The following PRKG1 variants were observed in gnomAD, a reference collection of about 807,000 sequenced individuals.
PRKG1 encodes cGMP-dependent protein kinase 1.
In PRKG1, 35 loss-of-function variants were observed where a neutral mutation model predicts 88.1. The ratio of observed to expected loss-of-function variants is 0.40; its 90% CI spans 0.30 to 0.53. PRKG1 has a LOEUF of 0.53. PRKG1 is among the 20% of genes least tolerant of loss of function. The pLI is 0.59. For missense variants in PRKG1, 540 were observed against 839.8 expected, an observed-to-expected ratio of 0.64 and a Z score of 4.41; for synonymous variants, 303 against 292.5, an observed-to-expected ratio of 1.04 and a Z score of -0.37.
intron 5 of PRKG1, among the ~76,000 whole-genome samples, chr10:52,042,634 AAGG>A (rs1845777794): frequency 6.6e-6 from 1 of 152,136 alleles, no homozygotes; most frequent in South Asian, 2.1e-4. Context: ...AAGAACATAT[AAGG>A]GAAATGCTTC....
chr10:52,132,489 A>G (rs1837291924), intron 7 of PRKG1, among the ~76,000 whole-genome samples: 1 of 152,140 alleles, frequency 6.6e-6, no homozygotes, highest in Non-Finnish European at 1.5e-5. Context: ...AGCAACAGTG[A>G]AAGACACAGA....
At chr10:51,462,750 C>A (rs1255499306) in intron 2 of PRKG1, among the ~76,000 whole-genome samples, 1 of 152,130 alleles carries the variant, frequency 6.6e-6, no homozygotes, top group Non-Finnish European at 1.5e-5. Flanking sequence ...ATAAATAACC[C>A]TTTAAACGTC....
At chr10:51,190,903 C>G (rs891702745) in intron 2 of PRKG1, among the ~76,000 whole-genome samples, 1 of 151,838 alleles carries the variant, frequency 6.6e-6, no homozygotes, top group Non-Finnish European at 1.5e-5. Flanking sequence ...AATGTCTCTA[C>G]TATGGAGCCA....
In PRKG1 at chr10:52,150,413, A is replaced by G. The variant is rs554063516; in HGVS notation, c.1002-11476A>G. On this transcript the variant is annotated intron_variant, in intron 8 of 17. Transcript: ENST00000373980. ...CTCGAGCAAATTACTTAATTTTCTT[A>G]GCCTTGATCACCTTACCTGTAAAAC... Among the ~76,000 whole-genome samples the G allele has an allele frequency of 3.1e-3, 467 of 152,152 alleles. 1 individual carries two copies. The highest frequency in any genetic ancestry group is 0.011 in the African/African-American group (455 of 41,526).
chr10:51,604,944 G>A (rs1838720073), intron 3 of PRKG1, among the ~76,000 whole-genome samples: 1 of 152,322 alleles, frequency 6.6e-6, no homozygotes, highest in South Asian at 2.1e-4. Context: ...CTTGCCCAAT[G>A]TACTGGAAGA....
intron 3 of PRKG1, among the ~76,000 whole-genome samples, chr10:51,748,323 G>A (rs1837632576): frequency 1.3e-5 from 2 of 152,124 alleles, no homozygotes; most frequent in Non-Finnish European, 2.9e-5. Flanking sequence ...TTATAGTTTG[G>A]CCTGTTGTGT....
At chr10:51,230,754 G>A (rs560686602) in intron 2 of PRKG1, among the ~76,000 whole-genome samples, 10 of 151,300 alleles carry the variant, frequency 6.6e-5, no homozygotes, top group African/African-American at 2.4e-4. Context: ...GTAAATAGTT[G>A]TTATACTGTA....
At chr10:52,157,801 C>T (rs1424204949) in intron 8 of PRKG1, among the ~76,000 whole-genome samples, 4 of 151,400 alleles carry the variant, frequency 2.6e-5, no homozygotes, top group African/African-American at 7.3e-5. Flanking sequence ...GTTCTTCCTT[C>T]TTCCTTCCTC....
At position 52,270,548 on chromosome 10, in the gene PRKG1, T is replaced by G. The variant is rs955203258; in HGVS notation, c.1174-802T>G. The stretch of plus-strand genomic sequence containing the variant: ...TGGAATACTATGCAGCCATAAAAAA[T>G]GATGAGTTCATGTCCTTTGCAGGGA... On this transcript the variant is annotated intron_variant, in intron 10 of 17. Transcript: ENST00000373980. Among the ~76,000 whole-genome samples the G allele has an allele frequency of 5.3e-5, 8 of 151,946 alleles. 1 individual carries two copies. The East Asian group carries it at 1.6e-3, about 30-fold the overall frequency.
intron 1 of PRKG1, among the ~76,000 whole-genome samples, chr10:51,077,824 C>T (rs1317925241): frequency 6.6e-6 from 1 of 152,074 alleles, no homozygotes; most frequent in Non-Finnish European, 1.5e-5. Context: ...CCAAATAACT[C>T]CTTGAGAATG....
intron 2 of PRKG1, among the ~76,000 whole-genome samples, chr10:51,457,276 G>A (rs951899333): frequency 3.3e-5 from 5 of 152,180 alleles, no homozygotes; most frequent in African/African-American, 1.2e-4. Flanking sequence ...GGCATTAGCA[G>A]CAACCTGGAT....
At chr10:51,463,179 A>G (rs1839790357) in intron 2 of PRKG1, among the ~76,000 whole-genome samples, 1 of 152,196 alleles carries the variant, frequency 6.6e-6, no homozygotes, top group Non-Finnish European at 1.5e-5. Context: ...TCATGAATAA[A>G]TGCTAATGAA....
chr10:52,024,317 C>CTTTTTTGT (rs1845271744), intron 5 of PRKG1, among the ~76,000 whole-genome samples: 2 of 150,874 alleles, frequency 1.3e-5, no homozygotes, highest in Admixed American at 6.6e-5. Flanking sequence ...ATTTATTTAA[C>CTTTTTTGT]TTTTTTTTTT....
At position 52,251,622 on chromosome 10, in the gene PRKG1, A is replaced by G; in HGVS notation, c.1129A>G (p.Ile377Val). 6.2e-7 allele frequency: 1 copy of G among 1,613,594 alleles called. No individual in the cohort carries two copies. Among genetic ancestry groups the G allele is most frequent in the Non-Finnish European group, 8.5e-7 (1 of 1,179,644 alleles). Residue 377 changes from isoleucine (I) to valine (V), a missense_variant, in exon 10 of 18, where the codon ATC (isoleucine) becomes GTC (valine). Coordinates refer to ENST00000373980, the MANE Select transcript of PRKG1 (RefSeq NM_006258.4). ...FANLKLSDFN[I>V]IDTLGVGGFG... is the part of the protein sequence containing the mutation. ...CAACCTGAAGCTGTCTGATTTCAAC[A>G]TCATTGATACCCTTGGAGTTGGAGG...
chr10:51,485,914 A>G (rs911812307), intron 3 of PRKG1, among the ~76,000 whole-genome samples: 16 of 152,228 alleles, frequency 1.1e-4, no homozygotes, highest in African/African-American at 3.9e-4. Context: ...GCATGGCAAG[A>G]TAGACTCTCC....
At chr10:51,712,676 G>A (rs1841787246) in intron 3 of PRKG1, among the ~76,000 whole-genome samples, 1 of 131,180 alleles carries the variant, frequency 7.6e-6, no homozygotes, top group South Asian at 2.3e-4. Flanking sequence ...TGCAATCTCT[G>A]CCTCCCAGGT....
At position 51,970,050 on chromosome 10, in the gene PRKG1, A is replaced by ACACACC. The variant is rs983494491; in HGVS notation, c.762+62481_762+62482insACACCC. Among the ~76,000 whole-genome samples, 836 of 133,496 alleles carry ACACACC rather than the reference A, an allele frequency of 6.3e-3. 8 individuals are homozygous for ACACACC. The highest frequency in any genetic ancestry group is 0.02 in the Middle Eastern group (5 of 256). 87.6% of individuals were successfully genotyped at this position (133,496 alleles called of 152,430 possible). A position where few individuals can be genotyped will look rare whatever the true frequency, so the allele number is the denominator to read the frequency against. On this transcript the variant is annotated intron_variant, in intron 5 of 17. Coordinates refer to ENST00000373980, the MANE Select transcript of PRKG1 (RefSeq NM_006258.4). Reference sequence around the variant, plus strand: ...CACACACACACACACACACACACACACCCATATTTATTTATATATTTTTCT... The same window carrying ACACACC: ...CACACACACACACACACACACACACACACACCCCCATATTTATTTATATATTTTTCT...
At chr10:51,999,148 T>A (rs1436406297) in intron 5 of PRKG1, among the ~76,000 whole-genome samples, 1 of 152,116 alleles carries the variant, frequency 6.6e-6, no homozygotes, top group Non-Finnish European at 1.5e-5. Flanking sequence ...ATGTGGGAGA[T>A]TAAAAAGCTA....
At chr10:51,439,134 G>T (rs541690299) in intron 2 of PRKG1, among the ~76,000 whole-genome samples, 2 of 151,620 alleles carry the variant, frequency 1.3e-5, no homozygotes, top group African/African-American at 2.4e-5. Context: ...CCCCCCTTAC[G>T]AACATGTCAT....
Sources: gnomAD v4.1 joint callset for allele counts (sites outside exome capture counted in the v4.1 genomes callset) on GRCh38, gnomAD v4.1.1 for gene constraint, MANE v1.5 for transcripts, NCBI Gene and HGNC (gene_info 2026-07-23, HGNC 2026-07-21) for gene names.